The following PTPRT variants were observed in gnomAD, a reference collection of about 807,000 sequenced individuals.
PTPRT encodes protein tyrosine phosphatase receptor type T.
Under a neutral mutation model 176.8 loss-of-function variants are expected in PTPRT, and 56 were observed. That is an observed-to-expected ratio of 0.32 (90% confidence interval 0.26 to 0.40). The LOEUF is 0.40. Among genes scored for constraint, PTPRT ranks in the 10% least tolerant of loss-of-function variants. The probability of loss-of-function intolerance (pLI) is 1.00; values close to 1 mark genes in which losing one functional copy is unlikely to be tolerated. For missense variants in PTPRT, 1,540 were observed against 1,908.2 expected (o/e 0.81, Z 3.60); for synonymous variants, 783 against 739.0 (o/e 1.06, Z -0.96).
downstream of PTPRT, among the ~76,000 whole-genome samples, chr20:42,069,603 A>G (rs904918665): frequency 1.3e-5 from 2 of 152,214 alleles, no homozygotes; most frequent in African/African-American, 4.8e-5. Context: ...AACATTTATA[A>G]AATGTAGAAA....
At chr20:43,147,285 C>T (rs1343216228) in intron 1 of PTPRT, among the ~76,000 whole-genome samples, 2 of 152,164 alleles carry the variant, frequency 1.3e-5, no homozygotes, top group African/African-American at 2.4e-5. Context: ...AGAAACCTCC[C>T]ATGCCTCAGT....
intron 9 of PTPRT, among the ~76,000 whole-genome samples, chr20:42,370,692 G>A (rs2058575883): frequency 6.6e-6 from 1 of 152,190 alleles, no homozygotes; most frequent in Non-Finnish European, 1.5e-5. Context: ...AACAGTGCCT[G>A]GACATAATAA....
chr20:43,121,760 C>A (rs1460533198), intron 1 of PTPRT, among the ~76,000 whole-genome samples: 1 of 152,076 alleles, frequency 6.6e-6, no homozygotes, highest in East Asian at 1.9e-4. Context: ...TTAAATTTGT[C>A]TTTGGATTTT....
chr20:43,134,126 G>A (rs986732573), intron 1 of PTPRT, among the ~76,000 whole-genome samples: 29 of 152,124 alleles, frequency 1.9e-4, no homozygotes, highest in Non-Finnish European at 3.5e-4. Context: ...AATCCAGTAT[G>A]GGAAATCTAC....
intron 9 of PTPRT, among the ~76,000 whole-genome samples, chr20:42,379,856 C>T (rs952352783): frequency 5.9e-5 from 9 of 152,204 alleles, no homozygotes; most frequent in African/African-American, 1.7e-4. Flanking sequence ...ATCAATTTTA[C>T]AATTCTGTGA....
intron 17 of PTPRT, among the ~76,000 whole-genome samples, chr20:42,144,215 T>A (rs1317771889): frequency 1.3e-5 from 2 of 151,970 alleles, no homozygotes; most frequent in East Asian, 3.9e-4. Context: ...GGGGGAGAGA[T>A]GTGATTTATT....
intron 1 of PTPRT, among the ~76,000 whole-genome samples, chr20:43,019,436 T>C (rs1220944655): frequency 2.0e-5 from 3 of 151,868 alleles, no homozygotes; most frequent in East Asian, 1.9e-4. Flanking sequence ...CTGGCCAACA[T>C]GGTGAAACCC....
chr20:42,125,322 T>A (rs1409337478), intron 19 of PTPRT, among the ~76,000 whole-genome samples: 3 of 152,196 alleles, frequency 2.0e-5, no homozygotes, highest in African/African-American at 4.8e-5. Flanking sequence ...TTTATAGATA[T>A]CAGAATGATT....
intron 1 of PTPRT, among the ~76,000 whole-genome samples, chr20:43,150,654 A>G (rs918498720): frequency 2.0e-5 from 3 of 151,938 alleles, no homozygotes; most frequent in Admixed American, 2.0e-4. Context: ...ATGGGGTTTC[A>G]CCATGTTGGC....
At chr20:42,182,360 T>A (rs1990559644) in intron 16 of PTPRT, among the ~76,000 whole-genome samples, 1 of 152,214 alleles carries the variant, frequency 6.6e-6, no homozygotes, top group Non-Finnish European at 1.5e-5. Flanking sequence ...ATTGGTATAC[T>A]TCTGCTGATG....
intron 2 of PTPRT, among the ~76,000 whole-genome samples, chr20:42,810,691 A>G (rs1471314126): frequency 6.6e-6 from 1 of 152,216 alleles, no homozygotes; most frequent in African/African-American, 2.4e-5. Context: ...GATTCCTACA[A>G]TACTGTGGGC....
chr20:42,370,102 G>T (rs902374010), intron 9 of PTPRT, among the ~76,000 whole-genome samples: 5 of 152,130 alleles, frequency 3.3e-5, no homozygotes, highest in Non-Finnish European at 7.3e-5. Context: ...TTCATCCAAA[G>T]TGCAGACTCC....
intron 7 of PTPRT, among the ~76,000 whole-genome samples, chr20:42,657,124 C>A (rs953638106): frequency 6.6e-6 from 1 of 152,114 alleles, no homozygotes; most frequent in African/African-American, 2.4e-5. Flanking sequence ...GGTTTTCCCC[C>A]TTTGCTCCAC....
At chr20:42,132,788 C>T (rs1988181794) in intron 18 of PTPRT, among the ~76,000 whole-genome samples, 1 of 152,148 alleles carries the variant, frequency 6.6e-6, no homozygotes, top group Non-Finnish European at 1.5e-5. Flanking sequence ...CATACACTTA[C>T]CATACTATAT....
chr20:43,006,970 T>C (rs1215515272), intron 1 of PTPRT, among the ~76,000 whole-genome samples: 3 of 152,182 alleles, frequency 2.0e-5, no homozygotes, highest in African/African-American at 7.2e-5. Flanking sequence ...CAGTATCTTG[T>C]TCTAATTCGA....
rs540031299 is a variant in PTPRT, at chr20:42,988,525, G to T, written c.89-102593C>A. Among the ~76,000 whole-genome samples the T allele has an allele frequency of 3.3e-5, 5 of 152,242 alleles. No individual in the cohort carries two copies. The East Asian group carries it at 9.7e-4, about 29-fold the overall frequency. ...CCAGGCTTCCCATCCCCCATGTGCT[G>T]CAAGCAGCTCGGTCATACAACACAT... On this transcript the variant is annotated intron_variant, in intron 1 of 30. Transcript: ENST00000373187.
chr20:43,001,183 T>C (rs1450407632), intron 1 of PTPRT, among the ~76,000 whole-genome samples: 3 of 152,144 alleles, frequency 2.0e-5, no homozygotes, highest in African/African-American at 7.2e-5. Flanking sequence ...ATGAAGAACA[T>C]ATTCTCAAAA....
intron 7 of PTPRT, among the ~76,000 whole-genome samples, chr20:42,669,296 G>A (rs1445826924): frequency 6.6e-6 from 1 of 152,060 alleles, no homozygotes; most frequent in African/African-American, 2.4e-5. Flanking sequence ...GCATGGTGTG[G>A]CATGCATGAA....
At chr20:42,918,061 G>C (rs896990414) in intron 1 of PTPRT, among the ~76,000 whole-genome samples, 1 of 152,038 alleles carries the variant, frequency 6.6e-6, no homozygotes, top group African/African-American at 2.4e-5. Flanking sequence ...CCTCTGATCT[G>C]CTCTTTCATC....
Sources: gnomAD v4.1 joint callset for allele counts (sites outside exome capture counted in the v4.1 genomes callset) on GRCh38, gnomAD v4.1.1 for gene constraint, MANE v1.5 for transcripts, NCBI Gene and HGNC (gene_info 2026-07-23, HGNC 2026-07-21) for gene names.